NEDD4L: variants seen among roughly 807,000 people sequenced by gnomAD.
NEDD4L encodes the protein E3 ubiquitin-protein ligase NEDD4-like.
Under a neutral mutation model 148.9 loss-of-function variants are expected in NEDD4L, and 54 were observed. The ratio of observed to expected loss-of-function variants is 0.36; its 90% CI spans 0.29 to 0.45. The LOEUF is 0.45. Ranked by LOEUF, NEDD4L falls within the 20% of genes least tolerant of loss-of-function variation. The probability of loss-of-function intolerance (pLI) is 1.00; values close to 1 mark genes in which losing one functional copy is unlikely to be tolerated. For missense variants in NEDD4L, 856 were observed against 1,233.8 expected (o/e 0.69, Z 4.59); for synonymous variants, 433 against 440.7 (o/e 0.98, Z 0.22).
intron 2 of NEDD4L, among the ~76,000 whole-genome samples, chr18:58,188,412 T>A (rs893261572): frequency 2.0e-5 from 3 of 152,224 alleles, no homozygotes; most frequent in African/African-American, 7.2e-5. Context: ...GAGTGAGATG[T>A]GGGTGGCCAG....
At chr18:58,262,404 A>T (rs1224066926) in intron 5 of NEDD4L, among the ~76,000 whole-genome samples, 1 of 152,158 alleles carries the variant, frequency 6.6e-6, no homozygotes, top group South Asian at 2.1e-4. Context: ...TGAGGCAGGT[A>T]GATCCCTTGA....
chr18:58,082,788 CAAAAA>C (rs376651872), intron 1 of NEDD4L, among the ~76,000 whole-genome samples: 4 of 68,376 alleles, frequency 5.9e-5, no homozygotes, highest in Non-Finnish European at 1.0e-4. Context: ...GACTCCATCT[CAAAAA>C]AAAAAAAAAA....
intron 5 of NEDD4L, among the ~76,000 whole-genome samples, chr18:58,313,576 A>C (rs2057937147): frequency 6.6e-6 from 1 of 152,234 alleles, no homozygotes; most frequent in Admixed American, 6.5e-5. Context: ...ACACAGTGTC[A>C]GTTAAGGGCA....
chr18:58,279,999 C>T (rs1446612786), intron 5 of NEDD4L, among the ~76,000 whole-genome samples: 1 of 152,144 alleles, frequency 6.6e-6, no homozygotes, highest in Non-Finnish European at 1.5e-5. Context: ...CCCTGAAGCA[C>T]ACTCAGCAAA....
chr18:58,116,837 T>C (rs2085874777), intron 1 of NEDD4L, among the ~76,000 whole-genome samples: 1 of 152,272 alleles, frequency 6.6e-6, no homozygotes, highest in Non-Finnish European at 1.5e-5. Context: ...TCCTTTGGAC[T>C]GATCTCCTTG....
intron 2 of NEDD4L, among the ~76,000 whole-genome samples, chr18:58,238,254 A>T (rs377128603): frequency 9.3e-4 from 141 of 152,210 alleles, no homozygotes; most frequent in African/African-American, 3.3e-3. Flanking sequence ...TGTTTTCAAA[A>T]TTTTTCAGTA....
chr18:58,335,618 T>G, intron 13 of NEDD4L, 81 bp downstream of exon 13: 1 of 1,058,754 alleles, frequency 9.4e-7, no homozygotes, highest in Non-Finnish European at 1.5e-6. Flanking sequence ...GAATATACGC[T>G]GTTTTTAAAA....
At chr18:58,384,694 C>T (rs2048780331) in intron 25 of NEDD4L, among the ~76,000 whole-genome samples, 1 of 152,196 alleles carries the variant, frequency 6.6e-6, no homozygotes, top group South Asian at 2.1e-4. Flanking sequence ...CCTCTGCTCC[C>T]CTGGTGCCAG....
intron 1 of NEDD4L, among the ~76,000 whole-genome samples, chr18:58,118,620 G>A (rs959467641): frequency 3.9e-5 from 6 of 152,138 alleles, no homozygotes; most frequent in African/African-American, 1.2e-4. Context: ...TTGTGTGTAT[G>A]TATGTGTCTG....
intron 1 of NEDD4L, among the ~76,000 whole-genome samples, chr18:58,064,057 C>T (rs920563149): frequency 3.2e-4 from 48 of 147,886 alleles, no homozygotes; most frequent in African/African-American, 1.1e-3. Flanking sequence ...CTCCGCCTTC[C>T]GGGTTCATGC....
chr18:58,064,310 T>G (rs1330193062), intron 1 of NEDD4L, among the ~76,000 whole-genome samples: 1 of 152,228 alleles, frequency 6.6e-6, no homozygotes, highest in Non-Finnish European at 1.5e-5. Context: ...CAAGGATGTT[T>G]ATAGCTGGTA....
At chr18:58,075,993 C>T (rs184793139) in intron 1 of NEDD4L, among the ~76,000 whole-genome samples, 7 of 152,162 alleles carry the variant, frequency 4.6e-5, no homozygotes, top group Admixed American at 3.9e-4. Flanking sequence ...ACAAAGTGAT[C>T]GTTAGGTTGG....
At chr18:58,341,546 TA>T in intron 14 of NEDD4L, 131 bp from the exon 15 acceptor site, 1 of 931,796 alleles carries the variant, frequency 1.1e-6, no homozygotes, top group Non-Finnish European at 1.6e-6. Context: ...TATGTTTAAT[TA>T]TTTCCTCCAC....
intron 4 of NEDD4L, among the ~76,000 whole-genome samples, chr18:58,250,088 A>G (rs1457105778): frequency 6.6e-6 from 1 of 152,238 alleles, no homozygotes; most frequent in African/African-American, 2.4e-5. Flanking sequence ...TAATCTTGGC[A>G]GTAGGCACAT....
chr18:58,250,962 G>A (rs1600240752), intron 4 of NEDD4L, among the ~76,000 whole-genome samples: 1 of 152,262 alleles, frequency 6.6e-6, no homozygotes, highest in East Asian at 1.9e-4. Context: ...AAAAGATATG[G>A]AAAGCCCAGT....
chr18:58,179,331 A>G (rs1268247719), intron 2 of NEDD4L, among the ~76,000 whole-genome samples: 1 of 152,196 alleles, frequency 6.6e-6, no homozygotes, highest in Admixed American at 6.5e-5. Flanking sequence ...ATGTCAAAAT[A>G]TCAGAAACTG....
chr18:58,142,838 T>A (rs1198050861), intron 1 of NEDD4L, among the ~76,000 whole-genome samples: 1 of 152,236 alleles, frequency 6.6e-6, no homozygotes, highest in African/African-American at 2.4e-5. Flanking sequence ...TTTTATCATT[T>A]TTTTTTCAGA....
rs1325841919 is a variant in NEDD4L, at chr18:58,387,492, G to C, written c.2541G>C (p.Glu847Asp). ...IDLIKIFDEN[E>D]LELLMCGLGD... The stretch of plus-strand genomic sequence containing the variant: ...TGATTAAAATTTTTGATGAAAATGA[G>C]CTGGAGGTTTGTATTATAAACATTA... The change falls in exon 27 of 31, where the codon GAG (glutamate) becomes GAC (aspartate). Residue 847 changes from glutamate (E) to aspartate (D), a missense_variant. Physicochemically the swap from Glu to Asp is conservative, Grantham distance 45. Coordinates refer to ENST00000400345, the MANE Select transcript of NEDD4L (RefSeq NM_001144967.3). The C allele has an allele frequency of 6.4e-7, 1 of 1,569,800 alleles. No homozygotes were observed. Among genetic ancestry groups the C allele is most frequent in the Non-Finnish European group, 8.6e-7 (1 of 1,158,542 alleles).
At chr18:58,345,294 C>T (rs866976258) in intron 16 of NEDD4L, among the ~76,000 whole-genome samples, 2 of 152,156 alleles carry the variant, frequency 1.3e-5, no homozygotes, top group African/African-American at 2.4e-5. Flanking sequence ...ATTTTCCCTG[C>T]GGAAGACACA....
Sources: gnomAD v4.1 joint callset for allele counts (sites outside exome capture counted in the v4.1 genomes callset) on GRCh38, gnomAD v4.1.1 for gene constraint, MANE v1.5 for transcripts, NCBI Gene and HGNC (gene_info 2026-07-23, HGNC 2026-07-21) for gene names.